Variants in CSMD1 observed in about 807,000 individuals in gnomAD.
The protein encoded by CSMD1 is CUB and sushi domain-containing protein 1.
Under a neutral mutation model 417.5 loss-of-function variants are expected in CSMD1, and 213 were observed. The observed-to-expected ratio is 0.51, with a 90% CI of 0.46 to 0.57. The LOEUF (loss-of-function observed/expected upper bound fraction) is 0.57. CSMD1 is among the 20% of genes least tolerant of loss of function. The pLI is 0.00. For missense variants in CSMD1, 6,923 were observed against 4,529.7 expected (o/e 1.53, Z -15.17); for synonymous variants, 2,862 against 1,736.8 (o/e 1.65, Z -16.11).
chr8:4,119,331 G>A (rs1238415677), intron 3 of CSMD1, among the ~76,000 whole-genome samples: 1 of 152,134 alleles, frequency 6.6e-6, no homozygotes, highest in Admixed American at 6.5e-5. Flanking sequence ...TCAAAGTTTG[G>A]TACATCCACA....
At chr8:3,957,656 C>G (rs569335061) in intron 5 of CSMD1, among the ~76,000 whole-genome samples, 1 of 151,608 alleles carries the variant, frequency 6.6e-6, no homozygotes, top group South Asian at 2.1e-4. Flanking sequence ...TGCACTCCAG[C>G]CTGGGCTATT....
intron 3 of CSMD1, among the ~76,000 whole-genome samples, chr8:4,396,775 G>A (rs960366158): frequency 2.0e-5 from 3 of 152,082 alleles, no homozygotes; most frequent in Admixed American, 2.0e-4. Context: ...AAGTACCTCA[G>A]GAATAGAAAA....
intron 5 of CSMD1, among the ~76,000 whole-genome samples, chr8:3,952,304 G>A (rs900996340): frequency 7.9e-5 from 12 of 152,122 alleles, no homozygotes; most frequent in East Asian, 1.9e-4. Flanking sequence ...GAAAGGTGTC[G>A]TGGCTATAAA....
intron 3 of CSMD1, among the ~76,000 whole-genome samples, chr8:4,146,503 T>G (rs1804135639): frequency 6.7e-6 from 1 of 149,508 alleles, no homozygotes; most frequent in Non-Finnish European, 1.5e-5. Context: ...TCAGACGTTG[T>G]GATGTGCACA....
chr8:3,632,567 A>T (rs138091363), intron 7 of CSMD1, among the ~76,000 whole-genome samples: 2 of 152,344 alleles, frequency 1.3e-5, no homozygotes, highest in East Asian at 3.9e-4. Flanking sequence ...TTTTTTAAAA[A>T]ATTGCATAAA....
chr8:4,051,569 CCT>C (rs1229142822), intron 3 of CSMD1, among the ~76,000 whole-genome samples: 3 of 152,182 alleles, frequency 2.0e-5, no homozygotes, highest in African/African-American at 7.2e-5. Flanking sequence ...ATCAAGCAAA[CCT>C]CTGTCAACGT....
chr8:3,291,985 C>A (rs1231601117), intron 25 of CSMD1, among the ~76,000 whole-genome samples: 1 of 151,890 alleles, frequency 6.6e-6, no homozygotes, highest in African/African-American at 2.4e-5. Context: ...TTTTCCTCTA[C>A]ACACTGCTTT....
chr8:4,360,668 G>GT (rs1801704583), intron 3 of CSMD1, among the ~76,000 whole-genome samples: 1 of 151,220 alleles, frequency 6.6e-6, no homozygotes, highest in African/African-American at 2.4e-5. Flanking sequence ...TTTTTTTTTT[G>GT]TTTTTTAGTG....
intron 58 of CSMD1, 99 bp from the exon 59 acceptor site, chr8:2,966,053 C>A (rs1183498960): frequency 1.9e-5 from 21 of 1,104,264 alleles, no homozygotes; most frequent in East Asian, 2.6e-5. Flanking sequence ...AGTTGCTATT[C>A]ACAGTGGTTA....
At chr8:3,171,324 G>A (rs1820572262) in intron 37 of CSMD1, among the ~76,000 whole-genome samples, 2 of 152,096 alleles carry the variant, frequency 1.3e-5, no homozygotes, top group South Asian at 4.2e-4. Context: ...GAAAGTGGGG[G>A]GACTCCAAGC....
intron 3 of CSMD1, among the ~76,000 whole-genome samples, chr8:4,329,228 C>G (rs771499952): frequency 1.1e-4 from 17 of 152,148 alleles, no homozygotes; most frequent in Non-Finnish European, 2.5e-4. Context: ...TGGACCTTAT[C>G]AGTGTTGACA....
At chr8:4,098,163 A>G (rs1478799930) in intron 3 of CSMD1, among the ~76,000 whole-genome samples, 1 of 152,184 alleles carries the variant, frequency 6.6e-6, no homozygotes, top group South Asian at 2.1e-4. Flanking sequence ...TTAGAATAAC[A>G]TGTTTTGCAG....
intron 10 of CSMD1, among the ~76,000 whole-genome samples, chr8:3,553,048 C>T (rs962250159): frequency 6.7e-6 from 1 of 149,260 alleles, no homozygotes; most frequent in Non-Finnish European, 1.5e-5. Context: ...CTGAAGAGTT[C>T]AATATATTCA....
chr8:4,325,635 A>G (rs1799517207), intron 3 of CSMD1, among the ~76,000 whole-genome samples: 1 of 152,104 alleles, frequency 6.6e-6, no homozygotes, highest in African/African-American at 2.4e-5. Flanking sequence ...TTTTTTCCCA[A>G]ACTACCCAAA....
At chr8:4,439,200 T>A (rs531439117) in intron 2 of CSMD1, among the ~76,000 whole-genome samples, 17 of 152,290 alleles carry the variant, frequency 1.1e-4, no homozygotes, top group Non-Finnish European at 1.8e-4. Context: ...TTAAACACAT[T>A]GCAAATTTCA....
At chr8:4,507,807 T>C (rs1309503263) in intron 2 of CSMD1, among the ~76,000 whole-genome samples, 1 of 152,180 alleles carries the variant, frequency 6.6e-6, no homozygotes, top group Non-Finnish European at 1.5e-5. Flanking sequence ...TATATGAGAA[T>C]GTCTGCTTGT....
intron 5 of CSMD1, among the ~76,000 whole-genome samples, chr8:3,966,734 C>CACACACAG (rs1297367587): frequency 1.5e-4 from 14 of 95,900 alleles, no homozygotes; most frequent in African/African-American, 6.1e-4. Flanking sequence ...CACACACAGA[C>CACACACAG]ACACACACAC....
intron 3 of CSMD1, among the ~76,000 whole-genome samples, chr8:4,298,431 G>C (rs546753263): frequency 6.6e-6 from 1 of 152,034 alleles, no homozygotes; most frequent in South Asian, 2.1e-4. Context: ...GTTATACAAA[G>C]TTGTGAATAA....
chr8:4,664,289 G>A (rs922842952), intron 1 of CSMD1, among the ~76,000 whole-genome samples: 2 of 152,190 alleles, frequency 1.3e-5, no homozygotes, highest in South Asian at 2.1e-4. Context: ...GCTGGGCACG[G>A]TGGCTCACGC....
Sources: allele counts gnomAD v4.1 joint callset (sites outside exome capture counted in the v4.1 genomes callset), GRCh38; gene constraint gnomAD v4.1.1; transcripts MANE v1.5; gene names NCBI Gene and HGNC (gene_info 2026-07-23, HGNC 2026-07-21).